The following TBL1XR1 variants were observed in gnomAD, a reference collection of about 807,000 sequenced individuals.
TBL1XR1 encodes F-box-like/WD repeat-containing protein TBL1XR1.
In TBL1XR1, 5 loss-of-function variants were observed where a neutral mutation model predicts 66.9. The observed-to-expected ratio is 0.07, with a 90% CI of 0.04 to 0.16. TBL1XR1 has a LOEUF of 0.16. Among genes scored for constraint, TBL1XR1 ranks in the 10% least tolerant of loss-of-function variants. TBL1XR1 has a pLI of 1.00. For missense variants in TBL1XR1, 238 were observed against 623.2 expected (o/e 0.38, Z 6.58); for synonymous variants, 210 against 206.0 (o/e 1.02, Z -0.17).
intron 1 of TBL1XR1, among the ~76,000 whole-genome samples, chr3:177,100,917 G>A (rs182505398): frequency 4.1e-4 from 61 of 150,336 alleles, no homozygotes; most frequent in East Asian, 7.9e-4. Context: ...GTGCAATGGC[G>A]CGACCTCAGC....
intron 2 of TBL1XR1, among the ~76,000 whole-genome samples, chr3:177,090,252 T>C (rs1371681425): frequency 6.6e-6 from 1 of 152,226 alleles, no homozygotes; most frequent in Non-Finnish European, 1.5e-5. Context: ...GTTTGATTTT[T>C]AAAACTTGGT....
chr3:177,046,746 T>C (rs560730081), intron 9 of TBL1XR1, among the ~76,000 whole-genome samples: 19 of 152,278 alleles, frequency 1.2e-4, no homozygotes, highest in Middle Eastern at 6.8e-3. Flanking sequence ...CTGAATTTTA[T>C]AAAGAGTGAA....
At chr3:177,198,020 T>TG (rs1474639572), upstream of TBL1XR1, among the ~76,000 whole-genome samples, 1 of 150,940 alleles carries the variant, frequency 6.6e-6, no homozygotes, top group African/African-American at 2.4e-5. Context: ...CCGGCGGCGT[T>TG]GGGGGCTGGG....
chr3:177,199,086 A>G (rs545551775), upstream of TBL1XR1, among the ~76,000 whole-genome samples: 14 of 152,310 alleles, frequency 9.2e-5, no homozygotes, highest in East Asian at 2.1e-3. Flanking sequence ...ATCAGAGGAA[A>G]GGGAGTGGGA....
At chr3:177,188,648 A>C (rs1205479158) in intron 1 of TBL1XR1, among the ~76,000 whole-genome samples, 1 of 152,162 alleles carries the variant, frequency 6.6e-6, no homozygotes, top group Non-Finnish European at 1.5e-5. Flanking sequence ...ACCTTCAATA[A>C]AGGGGAAAAT....
In TBL1XR1 at chr3:177,127,154, TTG is replaced by T. The variant is rs1416495261; in HGVS notation, c.-121-28615_-121-28614del. On this transcript the variant is annotated intron_variant, in intron 1 of 15. Transcript: ENST00000457928. The stretch of plus-strand genomic sequence containing the variant: ...ATGTATTATTACATTAAAAAACCCT[TTG>T]TGTTATTCTATGTATCTCAACATAC... 2.6e-5 allele frequency among the ~76,000 whole-genome samples: 4 copies of T among 152,308 alleles called. No homozygotes were observed. In the East Asian group the frequency reaches 5.8e-4, roughly 22 times the overall value.
intron 2 of TBL1XR1, among the ~76,000 whole-genome samples, chr3:177,093,048 T>C (rs1310042764): frequency 1.3e-5 from 2 of 152,130 alleles, no homozygotes; most frequent in African/African-American, 4.8e-5. Flanking sequence ...GATAATATAA[T>C]TGTATACCTA....
chr3:177,105,220 T>C (rs1242892661), intron 1 of TBL1XR1, among the ~76,000 whole-genome samples: 1 of 152,228 alleles, frequency 6.6e-6, no homozygotes, highest in Non-Finnish European at 1.5e-5. Flanking sequence ...CAAAATGTTA[T>C]TAAATTAATG....
chr3:177,036,904 T>C (rs1714867741), intron 12 of TBL1XR1, among the ~76,000 whole-genome samples: 1 of 152,222 alleles, frequency 6.6e-6, no homozygotes, highest in Non-Finnish European at 1.5e-5. Flanking sequence ...GAGGGTTAGC[T>C]GTTGCAGGAG....
At chr3:177,126,164 C>A (rs1049258452) in intron 1 of TBL1XR1, 1 of 152,160 alleles carries the variant, frequency 6.6e-6, no homozygotes, top group Non-Finnish European at 1.5e-5. Flanking sequence ...GTAGAAGTGG[C>A]TCTGTCAAAA....
At chr3:177,074,953 A>G (rs1310720557) in intron 2 of TBL1XR1, among the ~76,000 whole-genome samples, 1 of 152,220 alleles carries the variant, frequency 6.6e-6, no homozygotes, top group Non-Finnish European at 1.5e-5. Context: ...TAATCTGTAC[A>G]AAATGTAATG....
chr3:177,062,754 T>A (rs1002036470), intron 3 of TBL1XR1, among the ~76,000 whole-genome samples: 1 of 152,198 alleles, frequency 6.6e-6, no homozygotes, highest in Non-Finnish European at 1.5e-5. Flanking sequence ...ATACAAATTT[T>A]TTTTTAATTC....
rs369700699 is a variant in TBL1XR1, at chr3:177,047,351, T to G, written c.813A>C (p.Ala271=). 6.4e-7 allele frequency: 1 copy of G among 1,572,088 alleles called. No homozygotes were observed. ...AATTTCCTTTCTTATTCCATTTTAA[T>G]GCAAATATAGGGCCTTTATGCTGCC... ...TLGQHKGPIF[A]LKWNKKGNFI... is the part of the protein sequence containing the mutation. Residue 271 remains alanine, a synonymous_variant, in exon 9 of 16, where the codon GCA becomes GCC. Coordinates refer to ENST00000457928, the MANE Select transcript of TBL1XR1 (RefSeq NM_024665.7).
rs1004665234 is a variant in TBL1XR1 at position 177,021,593 on chromosome 3, G to T, written c.*3905C>A. The stretch of plus-strand genomic sequence containing the variant: ...CTGATATTAAATGTGACACTTCAGA[G>T]CTACTACTGGAAGGAGTAATTCATA... On this transcript the variant is annotated 3_prime_UTR_variant, in exon 16 of 16. Coordinates refer to ENST00000457928, the MANE Select transcript of TBL1XR1 (RefSeq NM_024665.7). 1.3e-5 allele frequency: 2 copies of T among 152,496 alleles called. No homozygotes were observed. Among genetic ancestry groups the T allele is most frequent in the South Asian group, 4.1e-4 (2 of 4,830 alleles). The allele number at this position is 152,496 out of a possible 1,614,324, so 9.4% of individuals were successfully genotyped here. A position where few individuals can be genotyped will look rare whatever the true frequency, so the allele number is the denominator to read the frequency against.
chr3:177,140,352 CA>C (rs1473496710), intron 1 of TBL1XR1, among the ~76,000 whole-genome samples: 1 of 152,086 alleles, frequency 6.6e-6, no homozygotes, highest in Non-Finnish European at 1.5e-5. Context: ...AAAGCTTCCC[CA>C]AATGCATGCT....
chr3:177,127,476 T>G (rs1034965856), intron 1 of TBL1XR1, among the ~76,000 whole-genome samples: 7 of 152,210 alleles, frequency 4.6e-5, no homozygotes, highest in African/African-American at 1.7e-4. Flanking sequence ...GTATAGCAGG[T>G]GCTCAAGAAA....
At chr3:177,147,511 A>G (rs1730395996) in intron 1 of TBL1XR1, among the ~76,000 whole-genome samples, 3 of 152,224 alleles carry the variant, frequency 2.0e-5, no homozygotes, top group Admixed American at 6.5e-5. Context: ...TGATTATTAA[A>G]TTAGTTTTAC....
intron 1 of TBL1XR1, among the ~76,000 whole-genome samples, chr3:177,146,436 G>GT (rs1474872831): frequency 6.6e-6 from 1 of 151,062 alleles, no homozygotes; most frequent in Admixed American, 6.6e-5. Context: ...ACAGGCATCC[G>GT]TCACCATGCC....
chr3:177,097,376 T>G (rs926335018), intron 2 of TBL1XR1, among the ~76,000 whole-genome samples: 1 of 152,152 alleles, frequency 6.6e-6, no homozygotes, highest in Non-Finnish European at 1.5e-5. Flanking sequence ...GGTAAGAAAT[T>G]TTTTTTAAGA....
Sources: allele counts gnomAD v4.1 joint callset (sites outside exome capture counted in the v4.1 genomes callset), GRCh38; gene constraint gnomAD v4.1.1; transcripts MANE v1.5; gene names NCBI Gene and HGNC (gene_info 2026-07-23, HGNC 2026-07-21).